The following ENO4 variants were observed in gnomAD, a reference collection of about 807,000 sequenced individuals.
ENO4 encodes the protein 2-phospho-D-glycerate hydro-lyase.
ENO4 carries 53 observed loss-of-function variants against 63.2 expected under a neutral mutation model. That is an observed-to-expected ratio of 0.84 (90% CI 0.67 to 1.05). ENO4 has a LOEUF of 1.05. Among genes scored for constraint, ENO4 ranks in the 50% least tolerant of loss-of-function variants. The pLI is 0.00. For missense variants in ENO4, 719 were observed against 772.0 expected (o/e 0.93, Z 0.81); for synonymous variants, 266 against 283.8 (o/e 0.94, Z 0.63).
chr10:116,901,470 G>A (rs943535634), intron 10 of ENO4: 168 of 984,790 alleles, frequency 1.7e-4, no homozygotes, highest in Admixed American at 6.8e-4. Context: ...AAGACTGATT[G>A]TCTCCTGACG....
intron 1 of ENO4, 43 bp downstream of exon 1, chr10:116,849,774 C>G: frequency 6.8e-7 from 1 of 1,465,976 alleles, no homozygotes; most frequent in Non-Finnish European, 9.1e-7. Context: ...CAACCCCTCT[C>G]CCCCCGCCCC....
At chr10:116,866,196 G>A (rs1336700689) in intron 7 of ENO4, among the ~76,000 whole-genome samples, 1 of 152,170 alleles carries the variant, frequency 6.6e-6, no homozygotes, top group Non-Finnish European at 1.5e-5. Flanking sequence ...TATATCAATA[G>A]TGTGAAGCAG....
intron 10 of ENO4, chr10:116,906,825 G>T: frequency 8.5e-7 from 1 of 1,169,978 alleles, no homozygotes; most frequent in Admixed American, 3.0e-5. Flanking sequence ...ATCAAACCAT[G>T]AAAACATTAC....
At chr10:116,898,766 A>C (rs558294226) in intron 10 of ENO4, among the ~76,000 whole-genome samples, 8 of 152,232 alleles carry the variant, frequency 5.3e-5, no homozygotes, top group African/African-American at 1.4e-4. Context: ...AACAAACAAA[A>C]AAAACACCCT....
At chr10:116,891,457 T>C (rs1014612206) in intron 10 of ENO4, among the ~76,000 whole-genome samples, 17 of 152,180 alleles carry the variant, frequency 1.1e-4, no homozygotes, top group African/African-American at 4.1e-4. Context: ...TCTGTTTCAT[T>C]TACAATAAAA....
downstream of ENO4, among the ~76,000 whole-genome samples, chr10:116,887,419 T>C (rs1589773115): frequency 1.3e-5 from 2 of 152,162 alleles, no homozygotes; most frequent in African/African-American, 4.8e-5. Context: ...CTTTCGGACT[T>C]TTCTGGTCTT....
intron 1 of ENO4, among the ~76,000 whole-genome samples, chr10:116,853,021 C>T (rs541206521): frequency 4.6e-5 from 7 of 152,196 alleles, no homozygotes; most frequent in African/African-American, 7.2e-5. Context: ...AATGGCCGGG[C>T]GCGGTGGCTC....
intron 11 of ENO4, 50 bp downstream of exon 11, chr10:116,876,310 G>A (rs1347248931): frequency 1.4e-6 from 2 of 1,382,462 alleles, no homozygotes; most frequent in South Asian, 1.5e-5. Context: ...GGTTATACAA[G>A]AAACCAAAAA....
chr10:116,899,969 A>G (rs1419993978), intron 10 of ENO4, among the ~76,000 whole-genome samples: 1 of 152,232 alleles, frequency 6.6e-6, no homozygotes. Context: ...ACATTAAGTT[A>G]AAATTCTTTT....
exon 11 of ENO4, chr10:116,911,534 G>C (rs1472077320): frequency 6.4e-7 from 1 of 1,550,414 alleles, no homozygotes; most frequent in Non-Finnish European, 8.7e-7. Flanking sequence ...CAGGATTGGA[G>C]GGCAAGAACA....
At chr10:116,869,539 G>A (rs972774286) in intron 8 of ENO4, among the ~76,000 whole-genome samples, 23 of 152,192 alleles carry the variant, frequency 1.5e-4, no homozygotes, top group Admixed American at 1.1e-3. Flanking sequence ...TTAAGATCAG[G>A]AGAGAGAAGA....
At chr10:116,874,783 C>G (rs992803605) in intron 10 of ENO4, among the ~76,000 whole-genome samples, 8 of 152,174 alleles carry the variant, frequency 5.3e-5, no homozygotes, top group Non-Finnish European at 7.3e-5. Context: ...AGTGATTCTC[C>G]TGCCTCAGCC....
chr10:116,879,434 G>A, intron 12 of ENO4, 76 bp downstream of exon 12: 1 of 1,107,518 alleles, frequency 9.0e-7, no homozygotes, highest in East Asian at 2.6e-5. Flanking sequence ...TGCAGTCTCT[G>A]GTGGAGAAAG....
chr10:116,870,200 A>T (rs1380107251), intron 8 of ENO4, among the ~76,000 whole-genome samples: 1 of 152,212 alleles, frequency 6.6e-6, no homozygotes, highest in African/African-American at 2.4e-5. Flanking sequence ...CCTTACCTTA[A>T]GCCCTCAGAT....
intron 11 of ENO4, among the ~76,000 whole-genome samples, chr10:116,878,678 T>C (rs1846903848): frequency 3.3e-5 from 5 of 151,812 alleles, no homozygotes; most frequent in Admixed American, 3.3e-4. Flanking sequence ...TCAATCTAAT[T>C]TGAGCATCCC....
Position 116,868,541 on chromosome 10 carries a change from G to A in ENO4, c.991-109G>A, listed in dbSNP as rs141663671. 9.7e-4 allele frequency: 839 copies of A among 864,822 alleles called. 9 individuals carry two copies. In the East Asian group the frequency reaches 0.014, roughly 15 times the overall value. 53.6% of individuals were successfully genotyped at this position (864,822 alleles called of 1,614,324 possible). A position where few individuals can be genotyped will look rare whatever the true frequency, so the allele number is the denominator to read the frequency against. On this transcript the variant is annotated intron_variant, in intron 7 of 13. Transcript: ENST00000341276. Reference sequence around the variant, plus strand: ...TGTGTGTGCGTGTATGTGTGCACACGTGTGTGAGATTCAGTGTTGCTGGTC... The same window carrying A: ...TGTGTGTGCGTGTATGTGTGCACACATGTGTGAGATTCAGTGTTGCTGGTC...
downstream of ENO4, chr10:116,883,287 G>A (rs914048963): frequency 6.6e-6 from 1 of 151,966 alleles, no homozygotes; most frequent in African/African-American, 2.4e-5. Context: ...CATTTAATAT[G>A]AAATATATTT....
chr10:116,892,376 A>G (rs1165574968), intron 10 of ENO4, among the ~76,000 whole-genome samples: 2 of 152,244 alleles, frequency 1.3e-5, no homozygotes, highest in African/African-American at 4.8e-5. Context: ...AAAGATTCTG[A>G]AATGTGGGTG....
intron 10 of ENO4, among the ~76,000 whole-genome samples, chr10:116,874,689 T>C (rs1022040781): frequency 6.6e-6 from 1 of 152,206 alleles, no homozygotes; most frequent in Non-Finnish European, 1.5e-5. Context: ...TTTCTTTTAT[T>C]TGAGACAGGG....
Sources: gnomAD v4.1 joint callset for allele counts (sites outside exome capture counted in the v4.1 genomes callset) on GRCh38, gnomAD v4.1.1 for gene constraint, MANE v1.5 for transcripts, NCBI Gene and HGNC (gene_info 2026-07-23, HGNC 2026-07-21) for gene names.